Variants in SLC35H1 observed in about 807,000 individuals in gnomAD.
SLC35H1 encodes ovarian cancer-overexpressed gene 1 protein.
At chr20:46,358,616 C>T in the SLC35H1 span, 5 of 1,576,462 alleles carry the variant, frequency 3.2e-6, no homozygotes, top group Admixed American at 5.6e-5. Flanking sequence ...TCACCAAGAA[C>T]GTCTCCAGGC....
At chr20:46,350,365 C>T in the SLC35H1 span, 2 of 1,575,162 alleles carry the variant, frequency 1.3e-6, no homozygotes, top group Non-Finnish European at 1.7e-6. Context: ...TGGGGAGTGG[C>T]CTGCTTCTAA....
chr20:46,356,651 G>A, the SLC35H1 span: 3 of 1,612,648 alleles, frequency 1.9e-6, no homozygotes, highest in Admixed American at 3.3e-5. Context: ...TGAAGACACA[G>A]GCACCCACAG....
the SLC35H1 span, among the ~76,000 whole-genome samples, chr20:46,358,201 G>A: frequency 1.6e-4 from 25 of 152,306 alleles, no homozygotes; most frequent in Non-Finnish European, 3.2e-4. Context: ...TGGTTTCCCT[G>A]GATCCAAACA....
At chr20:46,358,444 C>G in the SLC35H1 span, 1 of 1,614,226 alleles carries the variant, frequency 6.2e-7, no homozygotes, top group Non-Finnish European at 8.5e-7. Flanking sequence ...AGTAGAGAAG[C>G]ACCAGCCCCA....
At chr20:46,351,976 G>A in the SLC35H1 span, 2 of 1,482,084 alleles carry the variant, frequency 1.3e-6, no homozygotes, top group Non-Finnish European at 1.8e-6. Flanking sequence ...CAGGAGCTGG[G>A]ACTGAAGCTG....
chr20:46,353,048 G>A, the SLC35H1 span: 1 of 152,226 alleles, frequency 6.6e-6, no homozygotes, highest in Non-Finnish European at 1.5e-5. Flanking sequence ...GAACTCCTTG[G>A]TCTACATTTC....
At chr20:46,355,078 TCAGC>T in the SLC35H1 span, 1 of 1,614,080 alleles carries the variant, frequency 6.2e-7, no homozygotes, top group Non-Finnish European at 8.5e-7. The surrounding 1 kb of genome is among the most constrained non-coding windows in gnomAD (Gnocchi z 4.8). Context: ...CTCACCGAGT[TCAGC>T]CTTCTGCAGG....
chr20:46,355,236 C>T, the SLC35H1 span: 42 of 1,613,014 alleles, frequency 2.6e-5, no homozygotes, highest in Non-Finnish European at 3.2e-5. The surrounding 1 kb of genome is among the most constrained non-coding windows in gnomAD (Gnocchi z 4.8). Context: ...GGACCAGTGC[C>T]GCGCGCTGGT....
At chr20:46,348,634 G>C in the SLC35H1 span, 5 of 152,248 alleles carry the variant, frequency 3.3e-5, no homozygotes, top group African/African-American at 1.2e-4. Flanking sequence ...ATCTGAATTA[G>C]AGGCAGATCT....
At chr20:46,352,108 C>G in the SLC35H1 span, 1 of 1,614,194 alleles carries the variant, frequency 6.2e-7, no homozygotes, top group South Asian at 1.1e-5. Flanking sequence ...CCAGGAGGAA[C>G]TCAGAGAAGC....
At chr20:46,349,252 G>A in the SLC35H1 span, 2 of 152,264 alleles carry the variant, frequency 1.3e-5, no homozygotes, top group Non-Finnish European at 2.9e-5. Context: ...CCAGTTTACA[G>A]GAGTAGACTC....
At chr20:46,346,266 G>A in the SLC35H1 span, 4 of 152,330 alleles carry the variant, frequency 2.6e-5, no homozygotes, top group South Asian at 2.1e-4. Context: ...GGGAACAGAC[G>A]TTAAGCTAAT....
the SLC35H1 span, chr20:46,352,533 AGGATGATGGGATCCTAGCG>A: frequency 2.0e-5 from 6 of 293,804 alleles, no homozygotes; most frequent in Non-Finnish European, 3.8e-5. Context: ...GGATCCTAGC[AGGATGATGGGATCCTAGCG>A]GGATGATGGG....
chr20:46,350,305 T>C, the SLC35H1 span: 1 of 1,471,414 alleles, frequency 6.8e-7, no homozygotes, highest in Non-Finnish European at 9.1e-7. Flanking sequence ...AGCTCCCAGC[T>C]ACCATGATGA....
chr20:46,354,853 G>C, the SLC35H1 span: 2 of 1,555,304 alleles, frequency 1.3e-6, no homozygotes, highest in Non-Finnish European at 1.7e-6. Flanking sequence ...CTGCACTGAG[G>C]TGCCCTTGAG....
At chr20:46,355,658 G>T in the SLC35H1 span, 1 of 1,175,894 alleles carries the variant, frequency 8.5e-7, no homozygotes, top group Non-Finnish European at 1.2e-6. The surrounding 1 kb of genome is among the most constrained non-coding windows in gnomAD (Gnocchi z 4.8). Flanking sequence ...CCATGTCTAG[G>T]TCCCTTCTCA....
chr20:46,356,187 G>A, the SLC35H1 span, among the ~76,000 whole-genome samples: 8 of 152,206 alleles, frequency 5.3e-5, no homozygotes, highest in Admixed American at 5.2e-4. Flanking sequence ...GCTCTCTGAA[G>A]CAAAACATCA....
At chr20:46,361,482 G>A in the SLC35H1 span, among the ~76,000 whole-genome samples, 1 of 152,142 alleles carries the variant, frequency 6.6e-6, no homozygotes, top group East Asian at 1.9e-4. Flanking sequence ...CTCCAACAAA[G>A]AGGGCGCATG....
the SLC35H1 span, among the ~76,000 whole-genome samples, chr20:46,360,031 G>A: frequency 6.6e-6 from 1 of 152,126 alleles, no homozygotes; most frequent in Non-Finnish European, 1.5e-5. Context: ...GGTATTTTGG[G>A]GATATGCTCC....
Sources: allele counts gnomAD v4.1 joint callset (sites outside exome capture counted in the v4.1 genomes callset), GRCh38; gene constraint gnomAD v4.1.1; non-coding constraint Gnocchi (gnomAD v3.1); transcripts MANE v1.5; gene names NCBI Gene and HGNC (gene_info 2026-07-23, HGNC 2026-07-21).